NCKAP5: variants seen among roughly 807,000 people sequenced by gnomAD.
NCKAP5 encodes the protein NCK associated protein 5.
NCKAP5 carries 92 observed loss-of-function variants against 167.0 expected under a neutral mutation model. That is an observed-to-expected ratio of 0.55 (90% confidence interval 0.47 to 0.66). The LOEUF (loss-of-function observed/expected upper bound fraction) is 0.66. Among genes scored for constraint, NCKAP5 ranks in the 30% least tolerant of loss-of-function variants. NCKAP5 has a pLI of 0.00. For synonymous variants in NCKAP5, 891 were observed against 877.4 expected, an observed-to-expected ratio of 1.02 and a Z score of -0.27; for missense variants, 2,378 against 2,315.0, an observed-to-expected ratio of 1.03 and a Z score of -0.56.
At chr2:132,794,598 T>C (rs1340158190) in intron 12 of NCKAP5, among the ~76,000 whole-genome samples, 1 of 151,320 alleles carries the variant, frequency 6.6e-6, no homozygotes, top group Non-Finnish European at 1.5e-5. Context: ...ATCATGCCAC[T>C]GTACTCCAGC....
chr2:133,460,968 C>A (rs768982954), intron 3 of NCKAP5, among the ~76,000 whole-genome samples: 2 of 152,086 alleles, frequency 1.3e-5, no homozygotes, highest in African/African-American at 2.4e-5. Flanking sequence ...AAAGAAAAAT[C>A]TATTAAAATG....
chr2:132,980,620 A>T lies in NCKAP5; in HGVS notation c.429+13532T>A, dbSNP rs1321862382. ...AACAGGTTCTTCACCAGAGAGATGAACTTGCACTTTCTGCCCTTTCTATTT... is the reference window on the plus strand; with the variant it reads ...AACAGGTTCTTCACCAGAGAGATGATCTTGCACTTTCTGCCCTTTCTATTT... On this transcript the variant is annotated intron_variant, in intron 7 of 19. Coordinates refer to ENST00000409261, the MANE Select transcript of NCKAP5 (RefSeq NM_207363.3). 2.0e-5 allele frequency among the ~76,000 whole-genome samples: 3 copies of T among 152,240 alleles called. No homozygotes were observed. In the East Asian group the frequency reaches 5.8e-4, roughly 29 times the overall value.
intron 5 of NCKAP5, among the ~76,000 whole-genome samples, chr2:133,169,994 A>G (rs1265066805): frequency 6.6e-6 from 1 of 152,300 alleles, no homozygotes; most frequent in Non-Finnish European, 1.5e-5. Context: ...AGAGCCTGCA[A>G]TCATCAGACC....
chr2:133,655,619 C>T, the NCKAP5 span, among the ~76,000 whole-genome samples: 4 of 152,088 alleles, frequency 2.6e-5, no homozygotes, highest in African/African-American at 9.7e-5. Flanking sequence ...CCTTCTGATA[C>T]CAGGGAGAAA....
chr2:133,242,437 G>T (rs184977768), intron 4 of NCKAP5, among the ~76,000 whole-genome samples: 11 of 152,218 alleles, frequency 7.2e-5, no homozygotes, highest in South Asian at 2.1e-4. Flanking sequence ...TTCTAAGCAG[G>T]CTTCCAAGAA....
chr2:132,901,422 A>G (rs997427804), intron 8 of NCKAP5, among the ~76,000 whole-genome samples: 1 of 152,080 alleles, frequency 6.6e-6, no homozygotes, highest in African/African-American at 2.4e-5. Context: ...CGTGGTTACC[A>G]CTCCATAGAA....
At chr2:133,670,484 C>T in the NCKAP5 span, among the ~76,000 whole-genome samples, 1 of 152,186 alleles carries the variant, frequency 6.6e-6, no homozygotes, top group Non-Finnish European at 1.5e-5. Flanking sequence ...GTACTACATG[C>T]TACCTTATTA....
chr2:132,953,690 T>C (rs570297280), intron 8 of NCKAP5, among the ~76,000 whole-genome samples: 2 of 145,346 alleles, frequency 1.4e-5, no homozygotes, highest in South Asian at 2.2e-4. Flanking sequence ...AAAGATAATA[T>C]GCCACAGAAG....
intron 2 of NCKAP5, among the ~76,000 whole-genome samples, chr2:133,518,344 ATTTTTTTTTTTTTT>A (rs751025050): frequency 4.0e-5 from 3 of 74,616 alleles, no homozygotes; most frequent in African/African-American, 1.4e-4. Flanking sequence ...ACAGTAAAGG[ATTTTTTTTTTTTTT>A]TTTTTTTTTT....
At chr2:133,342,515 G>A (rs1484822982) in intron 3 of NCKAP5, among the ~76,000 whole-genome samples, 2 of 152,186 alleles carry the variant, frequency 1.3e-5, no homozygotes, top group South Asian at 2.1e-4. Context: ...GCCAGAGTCA[G>A]AGAGGCCTGG....
At chr2:132,764,026 A>G (rs1216291860) in intron 16 of NCKAP5, among the ~76,000 whole-genome samples, 1 of 152,224 alleles carries the variant, frequency 6.6e-6, no homozygotes, top group Admixed American at 6.5e-5. Context: ...AAAAAGCCAT[A>G]CTTTTAACAC....
At chr2:132,927,112 C>T (rs1695962568) in intron 8 of NCKAP5, among the ~76,000 whole-genome samples, 1 of 152,096 alleles carries the variant, frequency 6.6e-6, no homozygotes, top group Admixed American at 6.6e-5. Context: ...TTCCCAGCAC[C>T]ATTTATTGAA....
In NCKAP5 at chr2:132,800,441, G is replaced by A. The variant is rs568500229; in HGVS notation, c.808-3712C>T. Among the ~76,000 whole-genome samples, 17 of 152,278 alleles carry A rather than the reference G, an allele frequency of 1.1e-4. No individual in the cohort carries two copies. In the South Asian group the frequency reaches 3.5e-3, roughly 32 times the overall value. ...TAGGCCTTGTGTCATCTGTCACACT[G>A]TCTCAGTAACTGAGATTCAACTGGG... On this transcript the variant is annotated intron_variant, in intron 11 of 19. Coordinates refer to ENST00000409261, the MANE Select transcript of NCKAP5 (RefSeq NM_207363.3).
At chr2:133,309,379 A>G (rs1477970766) in intron 3 of NCKAP5, among the ~76,000 whole-genome samples, 1 of 152,204 alleles carries the variant, frequency 6.6e-6, no homozygotes, top group African/African-American at 2.4e-5. Flanking sequence ...ATTATTCTAA[A>G]GCTAGGCTCA....
intron 19 of NCKAP5, among the ~76,000 whole-genome samples, chr2:132,722,563 C>G (rs1028711891): frequency 2.0e-5 from 3 of 152,176 alleles, no homozygotes; most frequent in Non-Finnish European, 4.4e-5. Flanking sequence ...TTTGGACACA[C>G]AGCTTCAAAT....
At chr2:133,168,868 T>C (rs2084117777) in intron 5 of NCKAP5, among the ~76,000 whole-genome samples, 1 of 152,156 alleles carries the variant, frequency 6.6e-6, no homozygotes, top group Non-Finnish European at 1.5e-5. Context: ...TATTCCTCAC[T>C]GTGTGGTAAA....
intron 4 of NCKAP5, among the ~76,000 whole-genome samples, chr2:133,298,068 T>G (rs1162396389): frequency 6.6e-6 from 1 of 152,176 alleles, no homozygotes; most frequent in Non-Finnish European, 1.5e-5. Flanking sequence ...TCCTACACTG[T>G]TCACTGTCAC....
At chr2:132,747,171 C>CAAAAAAAAAAAAAAAAAAA (rs140348727) in intron 16 of NCKAP5, among the ~76,000 whole-genome samples, 1 of 124,206 alleles carries the variant, frequency 8.1e-6, no homozygotes. Context: ...CTCAGCCTGC[C>CAAAAAAAAAAAAAAAAAAA]AAAAAAAAAA....
At chr2:133,092,226 G>T (rs1191581079) in intron 6 of NCKAP5, among the ~76,000 whole-genome samples, 1 of 152,114 alleles carries the variant, frequency 6.6e-6, no homozygotes, top group East Asian at 1.9e-4. Flanking sequence ...CTGAAATTGG[G>T]CCTGAAATCC....
Sources: allele counts gnomAD v4.1 joint callset (sites outside exome capture counted in the v4.1 genomes callset), GRCh38; gene constraint gnomAD v4.1.1; transcripts MANE v1.5; gene names NCBI Gene and HGNC (gene_info 2026-07-23, HGNC 2026-07-21).